Variants in CHRDL1 observed in about 807,000 individuals in gnomAD.
The protein encoded by CHRDL1 is chordin-like protein 1.
A neutral mutation model predicts 40.9 loss-of-function variants in CHRDL1; 19 were observed. The ratio of observed to expected loss-of-function variants is 0.46; its 90% CI spans 0.32 to 0.68. The LOEUF is 0.68. Ranked by LOEUF, CHRDL1 falls within the 30% of genes least tolerant of loss-of-function variation. CHRDL1 has a pLI of 0.03. For synonymous variants in CHRDL1, 136 were observed against 123.4 expected, an observed-to-expected ratio of 1.10 and a Z score of -0.68; for missense variants, 329 against 352.1, an observed-to-expected ratio of 0.93 and a Z score of 0.53.
chrX:110,680,485 T>C (rs1282740427), intron 10 of CHRDL1, among the ~76,000 whole-genome samples: 1 of 112,162 alleles, frequency 8.9e-6, no homozygotes, highest in Admixed American at 9.5e-5. Flanking sequence ...GCAGTCTTTT[T>C]CAAAGCATGG....
chrX:110,785,543 C>T lies in CHRDL1; in HGVS notation c.94+6545G>A, dbSNP rs556827770. Among the ~76,000 whole-genome samples the T allele has an allele frequency of 5.4e-5, 6 of 111,289 alleles. No individual in the cohort carries two copies. In the South Asian group the frequency reaches 1.9e-3, roughly 36 times the overall value. ...ATGCAGAATATCCTTGTAACAAAAC[C>T]GCACTTGTCTCCCCTAAGTTTATAT... On this transcript the variant is annotated intron_variant, in intron 2 of 11. Transcript: ENST00000372042.
intron 6 of CHRDL1, among the ~76,000 whole-genome samples, chrX:110,707,880 T>C (rs1469244621): frequency 9.0e-6 from 1 of 111,626 alleles, no homozygotes; most frequent in Non-Finnish European, 1.9e-5. Flanking sequence ...GGAGAAAATT[T>C]GTGCAATCTA....
At chrX:110,790,716 G>A (rs1165194539) in intron 2 of CHRDL1, among the ~76,000 whole-genome samples, 1 of 109,759 alleles carries the variant, frequency 9.1e-6, no homozygotes, top group Non-Finnish European at 1.9e-5. Flanking sequence ...TGTGAGCTGA[G>A]CTGAGAATGC....
chrX:110,736,363 A>G (rs924916054), intron 4 of CHRDL1, among the ~76,000 whole-genome samples: 11 of 112,342 alleles, frequency 9.8e-5, no homozygotes, highest in Middle Eastern at 9.2e-3. Flanking sequence ...TGGGATGGTG[A>G]CAATTCCTTA....
At chrX:110,709,181 A>G (rs1239830292) in intron 6 of CHRDL1, among the ~76,000 whole-genome samples, 1 of 112,580 alleles carries the variant, frequency 8.9e-6, no homozygotes, top group African/African-American at 3.2e-5. Flanking sequence ...GTATATGCAA[A>G]GCATTTAGAA....
intron 2 of CHRDL1, among the ~76,000 whole-genome samples, chrX:110,769,409 A>C (rs2089716459): frequency 8.9e-6 from 1 of 112,688 alleles, no homozygotes; most frequent in Non-Finnish European, 1.9e-5. Flanking sequence ...AACAAATAGT[A>C]AACAAAATAT....
chrX:110,758,746 A>G lies in CHRDL1; in HGVS notation c.301+915T>C, dbSNP rs185871285. 1.5e-3 allele frequency among the ~76,000 whole-genome samples: 171 copies of G among 111,978 alleles called. 4 individuals carry two copies. In the East Asian group the frequency reaches 0.046, roughly 30 times the overall value. ...TTTGGGACTGACAATAAAGCTGCGG[A>G]TGTTCTCTAAAGGAATTTACAAATA... On this transcript the variant is annotated intron_variant, in intron 4 of 11. Transcript: ENST00000372042.
chrX:110,689,087 T>TAAAAATATATATAA (rs2070096532), intron 8 of CHRDL1, among the ~76,000 whole-genome samples: 1 of 83,383 alleles, frequency 1.2e-5, no homozygotes, highest in African/African-American at 4.5e-5. Context: ...TATATATATA[T>TAAAAATATATATAA]ATATATATAT....
intron 2 of CHRDL1, among the ~76,000 whole-genome samples, chrX:110,772,512 G>A (rs1337298720): frequency 8.9e-6 from 1 of 112,310 alleles, no homozygotes; most frequent in African/African-American, 3.2e-5. Context: ...GGCGGCACAC[G>A]CCTGTAATCA....
intron 9 of CHRDL1, 146 bp downstream of exon 9, chrX:110,688,448 A>G: frequency 2.1e-6 from 1 of 474,872 alleles, no homozygotes; most frequent in Non-Finnish European, 3.6e-6. Context: ...TCAGTCTTTC[A>G]AGAGAAGAGA....
chrX:110,727,202 C>T (rs1302517211), intron 4 of CHRDL1, among the ~76,000 whole-genome samples: 4 of 111,657 alleles, frequency 3.6e-5, no homozygotes, highest in Non-Finnish European at 7.5e-5. Flanking sequence ...AGATTCCTTG[C>T]TGAAAGAGTT....
At chrX:110,702,528 TA>T (rs1233834257) in intron 6 of CHRDL1, among the ~76,000 whole-genome samples, 1 of 111,599 alleles carries the variant, frequency 9.0e-6, no homozygotes, top group African/African-American at 3.3e-5. Context: ...TTGTGAGAAT[TA>T]ACACCAAAAC....
chrX:110,748,190 C>T (rs1008730406), intron 4 of CHRDL1, among the ~76,000 whole-genome samples: 6 of 112,013 alleles, frequency 5.4e-5, no homozygotes, highest in Non-Finnish European at 7.5e-5. Flanking sequence ...TCAACATCAC[C>T]TCATAGGTTT....
chrX:110,703,179 A>G (rs2070551760), intron 6 of CHRDL1, among the ~76,000 whole-genome samples: 1 of 111,618 alleles, frequency 9.0e-6, no homozygotes, highest in Admixed American at 9.6e-5. Context: ...GAAACTCAGG[A>G]TGGGGGCTGG....
At chrX:110,769,047 C>A (rs2089710752) in intron 2 of CHRDL1, among the ~76,000 whole-genome samples, 1 of 111,781 alleles carries the variant, frequency 8.9e-6, no homozygotes, top group South Asian at 3.7e-4. Context: ...TGTTAACTGC[C>A]TTATTGTACA....
intron 2 of CHRDL1, among the ~76,000 whole-genome samples, chrX:110,782,491 C>T (rs1444321610): frequency 8.9e-6 from 1 of 112,344 alleles, no homozygotes; most frequent in Non-Finnish European, 1.9e-5. Flanking sequence ...AAAGAGCTTC[C>T]ACATATTCTT....
rs1185453744 is a variant in CHRDL1, at chrX:110,676,171, TG to T, written c.*59del. On this transcript the variant is annotated 3_prime_UTR_variant, in exon 12 of 12. Coordinates refer to ENST00000372042, the MANE Select transcript of CHRDL1 (RefSeq NM_001143981.2). ...ACTGTTGACTTAAGCAAAATAAGCC[TG>T]CAGTCCAGCTGCAGCTTGAGTTTTC... 4.4e-6 allele frequency: 5 copies of T among 1,138,723 alleles called. No homozygotes were observed. In the African/African-American group the frequency reaches 9.1e-5, roughly 21 times the overall value. The allele number at this position is 1,138,723 out of a possible 1,213,427, so 93.8% of individuals were successfully genotyped here. A position where few individuals can be genotyped will look rare whatever the true frequency, so the allele number is the denominator to read the frequency against.
At chrX:110,768,313 C>G (rs140204763) in intron 2 of CHRDL1, among the ~76,000 whole-genome samples, 3,199 of 111,866 alleles carry the variant, frequency 0.029, 110 homozygotes, top group African/African-American at 0.098. Context: ...AGTCCCTGCT[C>G]CCATTCAACT....
intron 2 of CHRDL1, among the ~76,000 whole-genome samples, chrX:110,775,751 G>A (rs1390827849): frequency 9.1e-6 from 1 of 110,254 alleles, no homozygotes; most frequent in Non-Finnish European, 1.9e-5. Context: ...TATTTGCAAT[G>A]ACTTTCTATT....
Sources: gnomAD v4.1 joint callset for allele counts (sites outside exome capture counted in the v4.1 genomes callset) on GRCh38, gnomAD v4.1.1 for gene constraint, MANE v1.5 for transcripts, NCBI Gene and HGNC (gene_info 2026-07-23, HGNC 2026-07-21) for gene names.